Variants in GRAMD2A observed in about 807,000 individuals in gnomAD.
GRAMD2A encodes the protein GRAM domain containing 2A.
GRAMD2A carries 37 observed loss-of-function variants against 51.1 expected under a neutral mutation model. The ratio of observed to expected loss-of-function variants is 0.72; its 90% CI spans 0.56 to 0.95. The LOEUF (loss-of-function observed/expected upper bound fraction) is 0.95, where lower values mean the gene tolerates loss of function less well. Ranked by LOEUF, GRAMD2A falls within the 40% of genes least tolerant of loss-of-function variation. GRAMD2A has a pLI of 0.00. For synonymous variants in GRAMD2A, 136 were observed against 157.1 expected (o/e 0.87, Z 1.01); for missense variants, 414 against 426.9 (o/e 0.97, Z 0.27).
rs138036562 is a variant in GRAMD2A, at chr15:72,169,925, T to G, written c.56A>C (p.His19Pro). 7.4e-6 allele frequency: 12 copies of G among 1,613,988 alleles called. No individual in the cohort carries two copies. Among genetic ancestry groups the G allele is most frequent in the African/African-American group, 6.7e-5 (5 of 74,922 alleles). The change falls in exon 2 of 12, where the codon CAC becomes CCC. Residue 19 changes from histidine (H) to proline (P), a missense_variant. By Grantham distance (77) the His-to-Pro change is moderately conservative (BLOSUM62 -2). Transcript: ENST00000309731. ...ACTGTTCAGAGAAGCTGTCTTTCTG[T>G]GCATTTGTTGGTTGCTAGGGAAAAA... ...ATEEGGNQQM[H>P]RKTASLNSPV...
chr15:72,178,568 CTTTT>C lies in GRAMD2A; in HGVS notation c.42-8633_42-8630del, dbSNP rs537075334. On this transcript the variant is annotated intron_variant, in intron 1 of 11. Coordinates refer to ENST00000309731, the MANE Select transcript of GRAMD2A (RefSeq NM_001012642.3). ...TGTCATTATTGCTGTCTTGCACTTT[CTTTT>C]TTTTTTTTTTTTTTTTTTTTTGAGA... Among the ~76,000 whole-genome samples the C allele has an allele frequency of 3.6e-5, 3 of 84,200 alleles. No homozygotes were observed. The South Asian group carries it at 1.5e-3, about 41-fold the overall frequency. The allele number at this position is 84,200 out of a possible 152,430, so 55.2% of individuals were successfully genotyped here.
intron 1 of GRAMD2A, among the ~76,000 whole-genome samples, chr15:72,192,819 A>C (rs1301858013): frequency 2.0e-5 from 3 of 152,194 alleles, no homozygotes; most frequent in East Asian, 3.9e-4. Flanking sequence ...AATTTATGAC[A>C]AGGCTTTAAA....
intron 1 of GRAMD2A, among the ~76,000 whole-genome samples, chr15:72,188,065 G>T (rs1257876953): frequency 6.6e-6 from 1 of 152,138 alleles, no homozygotes; most frequent in African/African-American, 2.4e-5. Context: ...CTGGCTGGGC[G>T]TGGTGGCTCA....
At chr15:72,193,373 C>T (rs1413111939) in intron 1 of GRAMD2A, among the ~76,000 whole-genome samples, 5 of 151,136 alleles carry the variant, frequency 3.3e-5, no homozygotes, top group Admixed American at 6.6e-5. Context: ...CCCGCCACCA[C>T]GCCCAGCAAA....
chr15:72,165,394 C>T lies in GRAMD2A; in HGVS notation c.560G>A (p.Ser187Asn). ...CTHLQPSSKK[S>N]LSVREFSGEP... ...CCCTGAAAATTCTCTTACACTCAGA[C>T]TCTTCTTGCTGGAAGGCTGAGGAGG... The change falls in exon 8 of 12, where the codon AGT (serine) becomes AAT (asparagine). Residue 187 changes from serine (S) to asparagine (N), a missense_variant. Transcript: ENST00000309731. The T allele has an allele frequency of 6.2e-7, 1 of 1,614,098 alleles. No individual in the cohort carries two copies. The highest frequency in any genetic ancestry group is 8.5e-7 in the Non-Finnish European group (1 of 1,180,018).
At chr15:72,191,047 G>T (rs1377655604) in intron 1 of GRAMD2A, among the ~76,000 whole-genome samples, 2 of 152,180 alleles carry the variant, frequency 1.3e-5, no homozygotes, top group Non-Finnish European at 2.9e-5. Context: ...AAATCCATGA[G>T]ATTATAATAC....
chr15:72,197,515 C>T (rs2081818187), intron 1 of GRAMD2A, among the ~76,000 whole-genome samples: 1 of 152,120 alleles, frequency 6.6e-6, no homozygotes, highest in Non-Finnish European at 1.5e-5. Context: ...GACACCCGGT[C>T]CTAGTGCGAA....
At chr15:72,176,816 GTGTAGCCGC>G (rs1036830258) in intron 1 of GRAMD2A, among the ~76,000 whole-genome samples, 136 of 145,916 alleles carry the variant, frequency 9.3e-4, no homozygotes, top group Middle Eastern at 7.3e-3. Flanking sequence ...TAACTCTAAA[GTGTAGCCGC>G]TGGGTGCACA....
At chr15:72,186,612 T>C (rs2081736188) in intron 1 of GRAMD2A, among the ~76,000 whole-genome samples, 2 of 152,206 alleles carry the variant, frequency 1.3e-5, no homozygotes, top group Non-Finnish European at 2.9e-5. Flanking sequence ...CGTGAGCCAC[T>C]GTGCCCAGCC....
chr15:72,166,893 T>G lies in GRAMD2A; in HGVS notation c.471+101A>C, dbSNP rs1596679666. 1 of 997,074 alleles carries G rather than the reference T, an allele frequency of 1.0e-6. No homozygotes were observed. Among genetic ancestry groups the G allele is most frequent in the Non-Finnish European group, 1.6e-6 (1 of 628,582 alleles). The allele number at this position is 997,074 out of a possible 1,614,324, so 61.8% of individuals were successfully genotyped here. On this transcript the variant is annotated intron_variant, in intron 6 of 11. Coordinates refer to ENST00000309731, the MANE Select transcript of GRAMD2A (RefSeq NM_001012642.3). The surrounding 1 kb of genome is among the most constrained non-coding windows in gnomAD (Gnocchi z 4.1). ...AAATACCTACTGGAGAGCTGCAGGGTGGGGTGAAATAAAGACCTGGGAATG... is the reference window on the plus strand; with the variant it reads ...AAATACCTACTGGAGAGCTGCAGGGGGGGGTGAAATAAAGACCTGGGAATG...
chr15:72,162,422 A>ATGCTCTTTCTGTG, intron 10 of GRAMD2A, 45 bp from the exon 11 acceptor site: 1 of 1,448,334 alleles, frequency 6.9e-7, no homozygotes, highest in South Asian at 1.2e-5. Flanking sequence ...TTCCACAGAA[A>ATGCTCTTTCTGTG]GAGCATTTCT....
In GRAMD2A at chr15:72,168,989, A is replaced by G. The variant is rs375451737; in HGVS notation, c.142T>C (p.Trp48Arg). The change falls in exon 3 of 12, where the codon TGG becomes CGG. Residue 48 changes from tryptophan (W) to arginine (R), a missense_variant. Transcript: ENST00000309731. Reference protein sequence around the residue: ...VEEPPDYSLHWPEGLKGEEIK... With the variant: ...VEEPPDYSLHRPEGLKGEEIK... ...TCTTCACCCTTCAAGCCTTCTGGCC[A>G]GTGCAGACTGCAAAGGAGACATTCC... The G allele has an allele frequency of 1.9e-4, 301 of 1,614,146 alleles. 1 individual carries two copies. The highest frequency in any genetic ancestry group is 8.2e-4 in the Middle Eastern group (5 of 6,062).
At chr15:72,192,079 T>C (rs1408548405) in intron 1 of GRAMD2A, among the ~76,000 whole-genome samples, 1 of 152,220 alleles carries the variant, frequency 6.6e-6, no homozygotes, top group Non-Finnish European at 1.5e-5. Context: ...TTTATAGATA[T>C]ACATTGAAAT....
chr15:72,191,211 T>A (rs937568662), intron 1 of GRAMD2A, among the ~76,000 whole-genome samples: 8 of 152,084 alleles, frequency 5.3e-5, no homozygotes, highest in Non-Finnish European at 1.0e-4. Flanking sequence ...ACATCTTTTT[T>A]TTTTTTAAAT....
At position 72,170,791 on chromosome 15, in the gene GRAMD2A, G is replaced by A. The variant is rs956200956; in HGVS notation, c.42-852C>T. 2.0e-5 allele frequency among the ~76,000 whole-genome samples: 3 copies of A among 152,208 alleles called. No homozygotes were observed. Among genetic ancestry groups the A allele is most frequent in the African/African-American group, 7.2e-5 (3 of 41,438 alleles). ...GAGGGTGGCCAAGAAGCAGGGCCGT[G>A]CTGGGGCAGTGTGGTGGTCAGGAAC... On this transcript the variant is annotated intron_variant, in intron 1 of 11. Coordinates refer to ENST00000309731, the MANE Select transcript of GRAMD2A (RefSeq NM_001012642.3). The surrounding 1 kb of genome is among the most constrained non-coding windows in gnomAD (Gnocchi z 4.5).
At position 72,185,160 on chromosome 15, in the gene GRAMD2A, A is replaced by G. The variant is rs372392274; in HGVS notation, c.41+12571T>C. On this transcript the variant is annotated intron_variant, in intron 1 of 11. Transcript: ENST00000309731. The stretch of plus-strand genomic sequence containing the variant: ...TATATGTGGGAAAATACCTATATTC[A>G]TATGACAACAAAAATATATTTTGTT... Among the ~76,000 whole-genome samples the G allele has an allele frequency of 7.6e-4, 116 of 151,938 alleles. 1 individual carries two copies. Among genetic ancestry groups the G allele is most frequent in the Middle Eastern group, 3.4e-3 (1 of 292 alleles).
At chr15:72,196,220 G>A (rs1389106775) in intron 1 of GRAMD2A, among the ~76,000 whole-genome samples, 1 of 152,044 alleles carries the variant, frequency 6.6e-6, no homozygotes, top group Non-Finnish European at 1.5e-5. Flanking sequence ...AGAAGACTAT[G>A]GAGGGGGCCA....
intron 1 of GRAMD2A, among the ~76,000 whole-genome samples, chr15:72,179,996 C>T (rs2081684855): frequency 6.6e-6 from 1 of 152,198 alleles, no homozygotes; most frequent in South Asian, 2.1e-4. Flanking sequence ...ACCATGGGCT[C>T]GGAGGCACGA....
chr15:72,189,419 A>G (rs1288469622), intron 1 of GRAMD2A, among the ~76,000 whole-genome samples: 14 of 152,182 alleles, frequency 9.2e-5, no homozygotes, highest in African/African-American at 4.8e-5. Context: ...ATCAATGTCA[A>G]TTTTCTGGTT....
Sources: gnomAD v4.1 joint callset for allele counts (sites outside exome capture counted in the v4.1 genomes callset) on GRCh38, gnomAD v4.1.1 for gene constraint, Gnocchi (gnomAD v3.1) non-coding constraint, MANE v1.5 for transcripts, NCBI Gene and HGNC (gene_info 2026-07-23, HGNC 2026-07-21) for gene names.